Variants in MYH2 observed in about 807,000 individuals in gnomAD.
MYH2 encodes myosin-2.
In MYH2, 139 loss-of-function variants were observed where a neutral mutation model predicts 228.1. The ratio of observed to expected loss-of-function variants is 0.61; its 90% CI spans 0.53 to 0.70. The LOEUF is 0.70. Among genes scored for constraint, MYH2 ranks in the 30% least tolerant of loss-of-function variants. MYH2 has a pLI of 0.00. For missense variants in MYH2, 1,809 were observed against 2,357.5 expected, an observed-to-expected ratio of 0.77 and a Z score of 4.82; for synonymous variants, 796 against 871.1, an observed-to-expected ratio of 0.91 and a Z score of 1.52.
Position 10,547,610 on chromosome 17 carries a change from T to C in MYH2, c.213A>G (p.Thr71=). The change falls in exon 4 of 40, where the codon ACA becomes ACG. Residue 71 remains threonine (T), a synonymous_variant. Transcript: ENST00000245503. ...TGGGGAAGACCTGATCATCCTTCAC[T>C]GTCAGAGTCTGGTAAACAGGAAAGA... The part of the protein sequence containing the change: ...TVKTEGGATL[T]VKDDQVFPMN... The C allele has an allele frequency of 6.2e-7, 1 of 1,614,214 alleles. No individual in the cohort carries two copies. The highest frequency in any genetic ancestry group is 8.5e-7 in the Non-Finnish European group (1 of 1,180,036).
chr17:10,541,377 TA>T (rs1349279727), intron 10 of MYH2, among the ~76,000 whole-genome samples: 3 of 152,138 alleles, frequency 2.0e-5, no homozygotes, highest in Non-Finnish European at 4.4e-5. Context: ...CAGTTGTAGA[TA>T]AGGGTTGAAA....
Position 10,525,340 on chromosome 17 carries a change from A to T in MYH2, c.4546T>A (p.Ser1516Thr), listed in dbSNP as rs778405343. ...TCTGCAATCTGTTCCGTGAGGTCAG[A>T]AATCTCCTCTGTTGTTTGAGTAAAA... ...RENKNLQQEI[S>T]DLTEQIAEGG... Residue 1516 changes from serine to threonine, a missense_variant, in exon 33 of 40, where the codon TCT (serine) becomes ACT (threonine). Transcript: ENST00000245503. The surrounding 1 kb of genome is among the most constrained non-coding windows in gnomAD (Gnocchi z 4.2). 36 of 1,614,034 alleles carry T rather than the reference A, an allele frequency of 2.2e-5. No individual in the cohort carries two copies. The Admixed American group carries it at 5.8e-4, about 26-fold the overall frequency.
chr17:10,536,663 G>A (rs1000404244), intron 16 of MYH2, 57 bp from the exon 17 acceptor site: 23 of 1,507,404 alleles, frequency 1.5e-5, no homozygotes, highest in Middle Eastern at 1.7e-4. Flanking sequence ...TACTTCTTGC[G>A]TATTTGCTGA....
chr17:10,535,378 GAAAAA>G lies in MYH2; in HGVS notation c.1975-18_1975-14del. On this transcript the variant is annotated splice_polypyrimidine_tract_variant and intron_variant, in intron 17 of 39. Transcript: ENST00000245503. ...TGTTCAAATTCTCCTGTAAAACCAG[GAAAAA>G]TCCTGTCATTTTAGGCTCTAGACAT... 1 of 1,607,806 alleles carries G rather than the reference GAAAAA, an allele frequency of 6.2e-7. No individual in the cohort carries two copies.
At position 10,527,764 on chromosome 17, in the gene MYH2, G is replaced by C; in HGVS notation, c.3855C>G (p.Arg1285=). 1 of 1,614,080 alleles carries C rather than the reference G, an allele frequency of 6.2e-7. No individual in the cohort carries two copies. Among genetic ancestry groups the C allele is most frequent in the African/African-American group, 1.3e-5 (1 of 75,052 alleles). Residue 1285 remains arginine (R), a synonymous_variant, in exon 28 of 40, where the codon CGC becomes CGG. Coordinates refer to ENST00000245503, the MANE Select transcript of MYH2 (RefSeq NM_017534.6). Reference sequence around the variant, plus strand: ...GAGAGTTACCAGATTCAGTCTGCAGGCGCCCCCTCTGCGCAGTCAGGTCAT... The same window carrying C: ...GAGAGTTACCAGATTCAGTCTGCAGCCGCCCCCTCTGCGCAGTCAGGTCAT... ...LINDLTAQRG[R]LQTESGEFSR... is the part of the protein sequence containing the mutation.
At position 10,524,795 on chromosome 17, in the gene MYH2, C is replaced by A; in HGVS notation, c.4933G>T (p.Ala1645Ser). 6.2e-7 allele frequency: 1 copy of A among 1,614,154 alleles called. No homozygotes were observed. Among genetic ancestry groups the A allele is most frequent in the Non-Finnish European group, 8.5e-7 (1 of 1,180,026 alleles). Residue 1645 changes from alanine (A) to serine (S), a missense_variant, in exon 34 of 40, where the codon GCC (alanine) becomes TCC (serine). Transcript: ENST00000245503. The surrounding 1 kb of genome is among the most constrained non-coding windows in gnomAD (Gnocchi z 4.7). Reference protein sequence around the residue: ...LNHANRMAAEALRNYRNTQGI... With the variant: ...LNHANRMAAESLRNYRNTQGI... ...TGGGTGTTCCTGTAGTTCCTCAGGG[C>A]CTCAGCAGCCATGCGGTTGGCATGG... is the stretch of plus-strand genomic sequence containing the variant.
At chr17:10,531,594 A>G (rs1481895537) in intron 22 of MYH2, 39 bp downstream of exon 22, 2 of 1,614,112 alleles carry the variant, frequency 1.2e-6, no homozygotes, top group Admixed American at 1.7e-5. Flanking sequence ...TAGCACCTGC[A>G]TCCTGGTTAG....
At chr17:10,526,570 T>C (rs1320643364) in intron 30 of MYH2, 29 bp downstream of exon 30, 4 of 1,613,780 alleles carry the variant, frequency 2.5e-6, no homozygotes, top group Admixed American at 1.7e-5. Flanking sequence ...CAAAGTTTTC[T>C]GCTCATTCTC....
At position 10,537,382 on chromosome 17, in the gene MYH2, A is replaced by G; in HGVS notation, c.1748T>C (p.Ile583Thr). 1 of 1,614,166 alleles carries G rather than the reference A, an allele frequency of 6.2e-7. No individual in the cohort carries two copies. Among genetic ancestry groups the G allele is most frequent in the Non-Finnish European group, 8.5e-7 (1 of 1,180,026 alleles). Residue 583 changes from isoleucine (I) to threonine (T), a missense_variant, in exon 16 of 40, where the codon ATT becomes ACT. This residue lies in a region of MYH2 where 41 missense variants were observed against 35.1 expected (regional missense o/e 1.17). Coordinates refer to ENST00000245503, the MANE Select transcript of MYH2 (RefSeq NM_017534.6). The surrounding 1 kb of genome is among the most constrained non-coding windows in gnomAD (Gnocchi z 4.0). ...KGKAEAHFAL[I>T]HYAGVVDYNI... is the part of the protein sequence containing the mutation. ...GTAGTCCACAACACCAGCATAGTGA[A>G]TCAGAGCGAAGTGGGCCTCGGCCTT...
intron 10 of MYH2, among the ~76,000 whole-genome samples, chr17:10,542,107 C>G (rs1020765971): frequency 1.2e-4 from 19 of 152,160 alleles, no homozygotes; most frequent in African/African-American, 4.6e-4. Flanking sequence ...AACCCCATCT[C>G]TACTAAAACA....
At chr17:10,541,216 G>A (rs189931433) in intron 10 of MYH2, among the ~76,000 whole-genome samples, 300 of 152,280 alleles carry the variant, frequency 2.0e-3, no homozygotes, top group African/African-American at 6.5e-3. Context: ...CCTGAGAGCC[G>A]GGTGGAACAC....
chr17:10,543,708 T>TA lies in MYH2; in HGVS notation c.741+2dup. 1 of 1,614,014 alleles carries TA rather than the reference T, an allele frequency of 6.2e-7. No individual in the cohort carries two copies. The highest frequency in any genetic ancestry group is 8.5e-7 in the Non-Finnish European group (1 of 1,179,980). ...CATCTATTAGCGTGTCCAAGAGACT[T>TA]ACAAAGCGAGAGGAGTTGTCATTCC... On this transcript the variant is annotated splice_region_variant and intron_variant, in intron 8 of 39. Coordinates refer to ENST00000245503, the MANE Select transcript of MYH2 (RefSeq NM_017534.6).
chr17:10,533,149 A>G, intron 21 of MYH2, 136 bp downstream of exon 21: 7 of 1,302,834 alleles, frequency 5.4e-6, no homozygotes, highest in Non-Finnish European at 6.5e-6. Flanking sequence ...TTTCTGGTAC[A>G]TGTGTATTCC....
Position 10,525,438 on chromosome 17 carries a change from G to C in MYH2, c.4537+13C>G. The stretch of plus-strand genomic sequence containing the variant: ...CCAAGTTATGAATATTATTGAATAT[G>C]ATAGGGACTTACGCTGTAAGTTTTT... On this transcript the variant is annotated intron_variant, in intron 32 of 39. Transcript: ENST00000245503. This position sits in a 1 kb window ranked among gnomAD's most constrained non-coding sequence, Gnocchi z 4.2. 3 of 1,614,154 alleles carry C rather than the reference G, an allele frequency of 1.9e-6. No individual in the cohort carries two copies. The highest frequency in any genetic ancestry group is 1.3e-5 in the African/African-American group (1 of 75,052).
At position 10,528,863 on chromosome 17, in the gene MYH2, G is replaced by T; in HGVS notation, c.3571C>A (p.His1191Asn). 2 of 1,614,214 alleles carry T rather than the reference G, an allele frequency of 1.2e-6. No homozygotes were observed. Among genetic ancestry groups the T allele is most frequent in the East Asian group, 4.5e-5 (2 of 44,880 alleles). Residue 1191 changes from histidine (H) to asparagine (N), a missense_variant, in exon 27 of 40, where the codon CAT (histidine) becomes AAT (asparagine). By Grantham distance (68) the His-to-Asn change is moderately conservative. This residue lies in a region of MYH2 where 636 missense variants were observed against 729.9 expected (regional missense o/e 0.87). Coordinates refer to ENST00000245503, the MANE Select transcript of MYH2 (RefSeq NM_017534.6). ...RRDLEEATLQ[H>N]EATAATLRKK... ...CTCAGGGTGGCCGCTGTGGCTTCAT[G>T]CTGTAGGGTGGCCTCCTCCAGGTCC...
chr17:10,539,543 G>T lies in MYH2; in HGVS notation c.1167C>A (p.Tyr389Ter). Reference sequence around the variant, plus strand: ...GATCTGCAGAGTTCAGACTCTGGAGGTAGGCCGCCTTGTCAGCAACTAAAA... The same window carrying T: ...GATCTGCAGAGTTCAGACTCTGGAGTTAGGCCGCCTTGTCAGCAACTAAAA... Reference protein sequence around the residue: ...DGTEVADKAAYLQSLNSADLL... With the variant: ...DGTEVADKAA Residue 389 changes from tyrosine to a stop codon, truncating the protein, a stop_gained, in exon 13 of 40, where the codon TAC (tyrosine) becomes TAA (stop). Coordinates refer to ENST00000245503, the MANE Select transcript of MYH2 (RefSeq NM_017534.6). LOFTEE classifies it high-confidence loss of function. 6.2e-7 allele frequency: 1 copy of T among 1,614,106 alleles called. No individual in the cohort carries two copies. The highest frequency in any genetic ancestry group is 2.2e-5 in the East Asian group (1 of 44,880).
At chr17:10,546,272 TATATATATATATATATAC>T (rs2142323058) in intron 4 of MYH2, among the ~76,000 whole-genome samples, 1 of 132,532 alleles carries the variant, frequency 7.5e-6, no homozygotes, top group East Asian at 2.4e-4. Context: ...TATATATATA[TATATATATATATATATAC>T]ATCATGATTA....
In MYH2 at chr17:10,524,708, G is replaced by A. The variant is rs1261678580; in HGVS notation, c.4972-39C>T. ...CATCATTGAGACATCATGTTCTCAG[G>A]GTTGCAGGCACCCCAATAGTCCTGG... On this transcript the variant is annotated intron_variant, in intron 34 of 39. Transcript: ENST00000245503. The surrounding 1 kb of genome is among the most constrained non-coding windows in gnomAD (Gnocchi z 4.7). 1.2e-6 allele frequency: 2 copies of A among 1,614,202 alleles called. No individual in the cohort carries two copies. The highest frequency in any genetic ancestry group is 1.7e-6 in the Non-Finnish European group (2 of 1,180,036).
chr17:10,530,292 A>G (rs1393248532), intron 22 of MYH2, among the ~76,000 whole-genome samples: 1 of 152,266 alleles, frequency 6.6e-6, no homozygotes, highest in Non-Finnish European at 1.5e-5. Flanking sequence ...AAAAGAATGT[A>G]TTCTACAGTA....
Sources: gnomAD v4.1 joint callset for allele counts (sites outside exome capture counted in the v4.1 genomes callset) on GRCh38, gnomAD v4.1.1 for gene constraint, gnomAD v4.1.1 regional missense constraint, Gnocchi (gnomAD v3.1) non-coding constraint, MANE v1.5 for transcripts, NCBI Gene and HGNC (gene_info 2026-07-23, HGNC 2026-07-21) for gene names.